The following EHMT2 variants were observed in gnomAD, a reference collection of about 807,000 sequenced individuals.
EHMT2 encodes the protein histone-lysine N-methyltransferase EHMT2.
A neutral mutation model predicts 143.3 loss-of-function variants in EHMT2; 59 were observed. The observed-to-expected ratio is 0.41, with a 90% CI of 0.33 to 0.51. The LOEUF is 0.51. Ranked by LOEUF, EHMT2 falls within the 20% of genes least tolerant of loss-of-function variation. EHMT2 has a pLI of 0.18. For synonymous variants in EHMT2, 604 were observed against 651.5 expected (o/e 0.93, Z 1.11); for missense variants, 1,174 against 1,645.9 (o/e 0.71, Z 4.96).
rs1008223237 is a variant in EHMT2 at position 31,890,557 on chromosome 6, A to T, written c.865-955T>A. 4.2e-5 allele frequency among the ~76,000 whole-genome samples: 6 copies of T among 143,456 alleles called. No homozygotes were observed. The South Asian group carries it at 1.0e-3, about 24-fold the overall frequency. 94.1% of individuals were successfully genotyped at this position (143,456 alleles called of 152,430 possible). On this transcript the variant is annotated intron_variant, in intron 7 of 27. Transcript: ENST00000375537. ...TGAGCCACCACGCCTGGGCCAAAAA[A>T]TTTTTTTTTAGAAGATGAGGAAATC... is the stretch of plus-strand genomic sequence containing the variant.
rs144531544 is a variant in EHMT2, at chr6:31,892,563, C to A, written c.709-1G>T. ...GCCGGGCAGAACCTAACTCCTCTGA[C>A]TAGAAAAAGATCAGAAAAATTGAGG... On this transcript the variant is annotated splice_acceptor_variant, in intron 6 of 27. Coordinates refer to ENST00000375537, the Ensembl canonical transcript of EHMT2. LOFTEE classifies it high-confidence loss of function. The A allele has an allele frequency of 1.5e-5, 24 of 1,612,688 alleles. No individual in the cohort carries two copies. In the African/African-American group the frequency reaches 3.1e-4, roughly 21 times the overall value.
exon 16 of EHMT2, chr6:31,887,007 A>G (rs1473502105): frequency 1.2e-6 from 2 of 1,613,912 alleles, no homozygotes; most frequent in South Asian, 2.2e-5. Context: ...GCAGCAGCAC[A>G]TGGCAGATCT....
At chr6:31,897,307 C>G (rs1766679520) in intron 1 of EHMT2, 2 of 633,198 alleles carry the variant, frequency 3.2e-6, no homozygotes, top group Non-Finnish European at 4.5e-6. Flanking sequence ...TCCCCCAGGC[C>G]GCGGGGACCC....
chr6:31,883,249 C>A lies in EHMT2; in HGVS notation c.2994+113G>T. ...AGGCCTTGCCCAGTCCTCTCAGTCA[C>A]TTCCCCCACAGGGTAGGAGGTGAGG... On this transcript the variant is annotated intron_variant, in intron 23 of 27. Coordinates refer to ENST00000375537, the Ensembl canonical transcript of EHMT2. This position sits in a 1 kb window ranked among gnomAD's most constrained non-coding sequence, Gnocchi z 5.6. 8.6e-7 allele frequency: 1 copy of A among 1,168,914 alleles called. No homozygotes were observed. The highest frequency in any genetic ancestry group is 1.2e-6 in the Non-Finnish European group (1 of 807,658). 72.4% of individuals were successfully genotyped at this position (1,168,914 alleles called of 1,614,324 possible).
At chr6:31,893,399 C>T (rs1219901460) in intron 4 of EHMT2, 2 of 446,314 alleles carry the variant, frequency 4.5e-6, no homozygotes, top group Non-Finnish European at 9.0e-6. Context: ...TGGCTCACTT[C>T]AGCCTCGAAC....
Position 31,884,832 on chromosome 6 carries a change from AG to A in EHMT2, c.2449-34del, listed in dbSNP as rs1181204266. On this transcript the variant is annotated intron_variant, in intron 19 of 27. Coordinates refer to ENST00000375537, the Ensembl canonical transcript of EHMT2. The surrounding 1 kb of genome is among the most constrained non-coding windows in gnomAD (Gnocchi z 7.3). ...GGTAGGAGGGGAACAGATGAGGTGC[AG>A]GCAGCTGGGCCCTTGAATCCAGCCT... The A allele has an allele frequency of 6.3e-7, 1 of 1,581,584 alleles. No homozygotes were observed. The highest frequency in any genetic ancestry group is 2.3e-5 in the East Asian group (1 of 44,132).
chr6:31,883,014 G>T lies in EHMT2; in HGVS notation c.2995-5C>A, dbSNP rs751783109. 20 of 1,612,018 alleles carry T rather than the reference G, an allele frequency of 1.2e-5. No individual in the cohort carries two copies. Among genetic ancestry groups the T allele is most frequent in the Non-Finnish European group, 1.7e-5 (20 of 1,179,468 alleles). Reference sequence around the variant, plus strand: ...TTCCTGGAGCAATCGCCCATCCTAGGGTGCGGAGGGGAGGATAGTGGTTTC... The same window carrying T: ...TTCCTGGAGCAATCGCCCATCCTAGTGTGCGGAGGGGAGGATAGTGGTTTC... On this transcript the variant is annotated splice_polypyrimidine_tract_variant and splice_region_variant and intron_variant, in intron 23 of 27. Transcript: ENST00000375537. This position sits in a 1 kb window ranked among gnomAD's most constrained non-coding sequence, Gnocchi z 5.6.
At chr6:31,897,256 CCCGCCCCCTCCTCCCGGCTGCACGCG>C in intron 1 of EHMT2, 2 of 987,886 alleles carry the variant, frequency 2.0e-6, no homozygotes, top group Non-Finnish European at 2.6e-6. Flanking sequence ...GCGCCCCGGC[CCCGCCCCCTCCTCCCGGCTGCACGCG>C]CCGCTCCCCC....
At chr6:31,893,122 G>C (rs538001095) in intron 4 of EHMT2, 5 of 557,762 alleles carry the variant, frequency 9.0e-6, no homozygotes, top group South Asian at 5.0e-5. Flanking sequence ...CAACCATGCA[G>C]AGCAGGCCCT....
exon 17 of EHMT2, chr6:31,886,844 C>T: frequency 5.6e-6 from 9 of 1,614,246 alleles, no homozygotes; most frequent in Non-Finnish European, 6.8e-6. Flanking sequence ...TCACCACGGC[C>T]TCCATCAGTG....
At chr6:31,887,507 C>A in intron 15 of EHMT2, 70 bp downstream of exon 15, 2 of 1,393,048 alleles carry the variant, frequency 1.4e-6, no homozygotes, top group Non-Finnish European at 2.0e-6. Flanking sequence ...GTACTCCTGG[C>A]CCTGTACCCA....
chr6:31,882,772 G>A (rs767137329), exon 25 of EHMT2: 1 of 1,612,518 alleles, frequency 6.2e-7, no homozygotes, highest in Non-Finnish European at 8.5e-7. Context: ...GTTCGGTAGA[G>A]CTGTAGCCGC....
At position 31,889,672 on chromosome 6, in the gene EHMT2, C is replaced by T; in HGVS notation, c.865-70G>A. On this transcript the variant is annotated intron_variant, in intron 7 of 27. Transcript: ENST00000375537. The surrounding 1 kb of genome is among the most constrained non-coding windows in gnomAD (Gnocchi z 5.1). ...ACAATGAGGTGAGTAAAGAAAACCA[C>T]CACCACCATTGCCCCCCGCCACTAC... The T allele has an allele frequency of 1.3e-6, 2 of 1,590,602 alleles. No homozygotes were observed. Among genetic ancestry groups the T allele is most frequent in the Non-Finnish European group, 8.5e-7 (1 of 1,172,634 alleles).
rs1764434916 is a variant in EHMT2 at position 31,883,795 on chromosome 6, C to T, written c.2916+11G>A. On this transcript the variant is annotated intron_variant, in intron 22 of 27. Transcript: ENST00000375537. This position sits in a 1 kb window ranked among gnomAD's most constrained non-coding sequence, Gnocchi z 5.6. ...GTGTCCTTTTGGGGAGGCCCCGGGC[C>T]CCCTACTCACCTGCAGGTGGGTGAT... The T allele has an allele frequency of 6.2e-7, 1 of 1,613,062 alleles. No individual in the cohort carries two copies. Among genetic ancestry groups the T allele is most frequent in the Non-Finnish European group, 8.5e-7 (1 of 1,179,550 alleles).
chr6:31,881,251 G>A lies in EHMT2; in HGVS notation c.3198-159C>T, dbSNP rs1764067203. ...GAGCAGCAGTGGTGGGCAAGTGAAAGGGCAGCATTCCAGCCTTGACAGAGG... is the reference window on the plus strand; with the variant it reads ...GAGCAGCAGTGGTGGGCAAGTGAAAAGGCAGCATTCCAGCCTTGACAGAGG... On this transcript the variant is annotated intron_variant, in intron 25 of 27. Transcript: ENST00000375537. The surrounding 1 kb of genome is among the most constrained non-coding windows in gnomAD (Gnocchi z 4.8). 2.9e-6 allele frequency: 2 copies of A among 688,558 alleles called. No individual in the cohort carries two copies. The highest frequency in any genetic ancestry group is 5.2e-6 in the Non-Finnish European group (2 of 382,594). The allele number at this position is 688,558 out of a possible 1,614,324, so 42.7% of individuals were successfully genotyped here. A position where few individuals can be genotyped will look rare whatever the true frequency, so the allele number is the denominator to read the frequency against.
Position 31,889,543 on chromosome 6 carries a change from T to A in EHMT2, c.924A>T (p.Glu308Asp), listed in dbSNP as rs574143836. Residue 308 changes from glutamate to aspartate, a missense_variant, in exon 8 of 28, where the codon GAA becomes GAT. Physicochemically the swap from Glu to Asp is conservative, Grantham distance 45. Transcript: ENST00000375537. The surrounding 1 kb of genome is among the most constrained non-coding windows in gnomAD (Gnocchi z 5.1). ...CCTCCTCCTCTTCCTCTTCTTCTTC[T>A]TCCTCCTCTTCCTCCTCCTCCTCTT... 15 of 1,610,674 alleles carry A rather than the reference T, an allele frequency of 9.3e-6. No homozygotes were observed. The highest frequency in any genetic ancestry group is 1.3e-5 in the Non-Finnish European group (15 of 1,179,044).
chr6:31,887,096 T>C, exon 16 of EHMT2: 1 of 1,603,182 alleles, frequency 6.2e-7, no homozygotes, highest in Non-Finnish European at 8.5e-7. Context: ...GGGTCCAGGT[T>C]GTCCACTGCG....
rs770009061 is a variant in EHMT2 at position 31,880,641 on chromosome 6, G to A, written c.3452+32C>T. 2 of 1,608,314 alleles carry A rather than the reference G, an allele frequency of 1.2e-6. No individual in the cohort carries two copies. Among genetic ancestry groups the A allele is most frequent in the South Asian group, 2.2e-5 (2 of 90,882 alleles). On this transcript the variant is annotated intron_variant, in intron 27 of 27. Transcript: ENST00000375537. The surrounding 1 kb of genome is among the most constrained non-coding windows in gnomAD (Gnocchi z 6.6). ...AGGTTTGCTGCATCTCCCACCCCCTGGCAGAGCCCCTAGAGACCCCTAGAG... is the reference window on the plus strand; with the variant it reads ...AGGTTTGCTGCATCTCCCACCCCCTAGCAGAGCCCCTAGAGACCCCTAGAG...
rs752922382 is a variant in EHMT2 at position 31,883,904 on chromosome 6, C to T, written c.2818G>A (p.Gly940Ser). Residue 940 changes from glycine to serine, a missense_variant, in exon 22 of 28, where the codon GGT (glycine) becomes AGT (serine). By Grantham distance (56) the Gly-to-Ser change is moderately conservative. This residue lies in a region of EHMT2 where 608 missense variants were observed against 903.7 expected (regional missense o/e 0.67). Transcript: ENST00000375537. This position sits in a 1 kb window ranked among gnomAD's most constrained non-coding sequence, Gnocchi z 5.6. ...TCAGGGCAGGGCTCCCCATCCACAC[C>T]GTTGACACAGGGAATGGGCACGTTC... is the stretch of plus-strand genomic sequence containing the variant. 28 of 1,613,808 alleles carry T rather than the reference C, an allele frequency of 1.7e-5. No homozygotes were observed. Among genetic ancestry groups the T allele is most frequent in the South Asian group, 1.4e-4 (13 of 91,070 alleles).
Sources: allele counts gnomAD v4.1 joint callset (sites outside exome capture counted in the v4.1 genomes callset), GRCh38; gene constraint gnomAD v4.1.1; regional missense constraint gnomAD v4.1.1; non-coding constraint Gnocchi (gnomAD v3.1); transcripts MANE v1.5; gene names NCBI Gene and HGNC (gene_info 2026-07-23, HGNC 2026-07-21).